PAX5: variants seen among roughly 807,000 people sequenced by gnomAD.
The protein encoded by PAX5 is paired box 5.
A neutral mutation model predicts 43.7 loss-of-function variants in PAX5; 9 were observed. That is an observed-to-expected ratio of 0.21 (90% CI 0.12 to 0.36). PAX5 has a LOEUF of 0.36. Ranked by LOEUF, PAX5 falls within the 10% of genes least tolerant of loss-of-function variation. The pLI is 1.00. For missense variants in PAX5, 383 were observed against 532.7 expected (o/e 0.72, Z 2.77); for synonymous variants, 228 against 214.3 (o/e 1.06, Z -0.56).
chr9:36,984,435 CTTTTTT>C (rs10663927), intron 5 of PAX5, among the ~76,000 whole-genome samples: 3 of 66,874 alleles, frequency 4.5e-5, no homozygotes, highest in East Asian at 9.7e-4. Context: ...TTGAACCTCT[CTTTTTT>C]TTTTTTTTTT....
chr9:36,966,584 T>A lies in PAX5; in HGVS notation c.745A>T (p.Ile249Phe). 1.2e-6 allele frequency: 2 copies of A among 1,614,206 alleles called. No homozygotes were observed. The highest frequency in any genetic ancestry group is 2.2e-5 in the South Asian group (2 of 91,090). The change falls in exon 6 of 10, where the codon ATC becomes TTC. Residue 249 changes from isoleucine to phenylalanine, a missense_variant. Physicochemically the swap from Ile to Phe is conservative, Grantham distance 21. Around this residue, in one of 5 missense-constraint regions of PAX5, gnomAD observed 291 missense variants for 342.5 expected, o/e 0.85. Transcript: ENST00000358127. ...TTGATGGGCTCTGTGGTGGTGAAGATGTCTGAGTAGTGCTGCCTCTCAAAC... is the reference window on the plus strand; with the variant it reads ...TTGATGGGCTCTGTGGTGGTGAAGAAGTCTGAGTAGTGCTGCCTCTCAAAC... ...RVFERQHYSD[I>F]FTTTEPIKPE...
At chr9:36,894,614 TATAAA>T (rs1253063033) in intron 7 of PAX5, among the ~76,000 whole-genome samples, 1 of 152,174 alleles carries the variant, frequency 6.6e-6, no homozygotes, top group Non-Finnish European at 1.5e-5. Flanking sequence ...GTTTTGCATT[TATAAA>T]ATGAGGACGA....
intron 6 of PAX5, chr9:36,930,875 C>T (rs879127337): frequency 1.5e-6 from 2 of 1,308,560 alleles, no homozygotes; most frequent in African/African-American, 3.0e-5. Context: ...CATTTGGGTC[C>T]CTAGGAAATT....
chr9:36,928,463 A>G (rs754476355), intron 6 of PAX5, among the ~76,000 whole-genome samples: 3 of 152,158 alleles, frequency 2.0e-5, no homozygotes, highest in Non-Finnish European at 2.9e-5. Flanking sequence ...GACCTCCATT[A>G]TCACCATGTA....
intron 8 of PAX5, 70 bp from the exon 9 acceptor site, chr9:36,846,999 C>T: frequency 9.0e-7 from 1 of 1,116,466 alleles, no homozygotes; most frequent in Non-Finnish European, 1.3e-6. Context: ...GCCCTGGGTC[C>T]CAGCCAGCCT....
chr9:36,873,734 C>G (rs1157493468), intron 8 of PAX5, among the ~76,000 whole-genome samples: 1 of 152,240 alleles, frequency 6.6e-6, no homozygotes, highest in African/African-American at 2.4e-5. Context: ...AAATCCCCAC[C>G]ACCAAGTTCT....
At chr9:37,001,183 A>C (rs1837818714) in intron 5 of PAX5, among the ~76,000 whole-genome samples, 2 of 152,110 alleles carry the variant, frequency 1.3e-5, no homozygotes, top group Admixed American at 6.5e-5. Flanking sequence ...CCAATATAGC[A>C]CTCCGAAAAC....
intron 2 of PAX5, among the ~76,000 whole-genome samples, chr9:37,017,980 A>G (rs1321475952): frequency 6.6e-6 from 1 of 152,182 alleles, no homozygotes; most frequent in East Asian, 1.9e-4. Flanking sequence ...ACCAACACAC[A>G]ATGTCCTTCG....
intron 6 of PAX5, among the ~76,000 whole-genome samples, chr9:36,962,991 G>A (rs1489346691): frequency 6.6e-6 from 1 of 152,230 alleles, no homozygotes; most frequent in Admixed American, 6.5e-5. Flanking sequence ...ACCCTTGACT[G>A]ACATCCCTTC....
At chr9:37,023,676 A>C (rs986107284) in intron 1 of PAX5, among the ~76,000 whole-genome samples, 1 of 152,130 alleles carries the variant, frequency 6.6e-6, no homozygotes, top group African/African-American at 2.4e-5. Context: ...GGCCCTCCCA[A>C]TACCCCCAAA....
chr9:36,879,854 C>T (rs754442080), intron 8 of PAX5, among the ~76,000 whole-genome samples: 11 of 152,288 alleles, frequency 7.2e-5, no homozygotes, highest in African/African-American at 1.2e-4. Context: ...AATGAGGAGC[C>T]GGTGGGGCGG....
chr9:36,891,323 G>A (rs1291574578), intron 7 of PAX5, among the ~76,000 whole-genome samples: 1 of 152,242 alleles, frequency 6.6e-6, no homozygotes, highest in African/African-American at 2.4e-5. Context: ...GTGAACAAGT[G>A]CCACCTTAGG....
In PAX5 at chr9:37,002,783, G is replaced by A. The variant is rs1838015286; in HGVS notation, c.476-7C>T. 1.2e-6 allele frequency: 2 copies of A among 1,605,388 alleles called. No homozygotes were observed. On this transcript the variant is annotated splice_region_variant and splice_polypyrimidine_tract_variant and intron_variant, in intron 4 of 9. Transcript: ENST00000358127. ...GTCACGGAGCCAGTGGACACTGCGC[G>A]GAGAAAGACGGGCGGTCAGGGCCGC... is the stretch of plus-strand genomic sequence containing the variant.
intron 7 of PAX5, among the ~76,000 whole-genome samples, chr9:36,909,428 G>C (rs1444561237): frequency 6.6e-6 from 1 of 152,250 alleles, no homozygotes; most frequent in Non-Finnish European, 1.5e-5. Flanking sequence ...TGCACACTGA[G>C]CTGATACTGG....
At position 36,840,329 on chromosome 9, in the gene PAX5, T is replaced by C; in HGVS notation, c.*231A>G. The C allele has an allele frequency of 4.9e-6, 3 of 608,246 alleles. No individual in the cohort carries two copies. The highest frequency in any genetic ancestry group is 2.9e-6 in the Non-Finnish European group (1 of 341,736). 37.7% of individuals were successfully genotyped at this position (608,246 alleles called of 1,614,324 possible). The stretch of plus-strand genomic sequence containing the variant: ...TTGGTTTGCAGAGACCCAGTGGCCA[T>C]CGGGAGAAGCTCATAGATTGGCTTT... On this transcript the variant is annotated 3_prime_UTR_variant, in exon 10 of 10. Transcript: ENST00000358127.
intron 5 of PAX5, among the ~76,000 whole-genome samples, chr9:36,978,606 C>T (rs1835651718): frequency 6.6e-6 from 1 of 151,924 alleles, no homozygotes; most frequent in Admixed American, 6.6e-5. Context: ...GTATTTTTTC[C>T]CAAGGACGAT....
rs4880039 is a variant in PAX5 at position 36,928,392 on chromosome 9, C to A, written c.781-4908G>T. Among the ~76,000 whole-genome samples the A allele has an allele frequency of 0.53, 81,024 of 151,890 alleles. 21,710 individuals are homozygous for A. Among genetic ancestry groups the A allele is most frequent in the East Asian group, 0.74 (3,791 of 5,154 alleles). ...GGTGGAGCCATTCCTGAACTCCACACTCCTACAAAGAAACAATCTCTCCCT... is the reference window on the plus strand; with the variant it reads ...GGTGGAGCCATTCCTGAACTCCACAATCCTACAAAGAAACAATCTCTCCCT... On this transcript the variant is annotated intron_variant, in intron 6 of 9. Transcript: ENST00000358127.
chr9:36,852,471 G>C (rs1823250781), intron 8 of PAX5, among the ~76,000 whole-genome samples: 1 of 152,212 alleles, frequency 6.6e-6, no homozygotes. Context: ...CGTGGGAACT[G>C]TCTGGAAGGT....
At chr9:36,940,267 G>A (rs576297035) in intron 6 of PAX5, among the ~76,000 whole-genome samples, 9 of 152,108 alleles carry the variant, frequency 5.9e-5, no homozygotes, top group African/African-American at 1.4e-4. Flanking sequence ...AGGTTTAATC[G>A]TCCAACACAA....
Sources: allele counts gnomAD v4.1 joint callset (sites outside exome capture counted in the v4.1 genomes callset), GRCh38; gene constraint gnomAD v4.1.1; regional missense constraint gnomAD v4.1.1; transcripts MANE v1.5; gene names NCBI Gene and HGNC (gene_info 2026-07-23, HGNC 2026-07-21).